LINGO2: variants seen among roughly 807,000 people sequenced by gnomAD.
LINGO2 encodes the protein leucine-rich repeat and immunoglobulin-like domain-containing nogo receptor-interacting protein 2.
LINGO2 carries 14 observed loss-of-function variants against 30.6 expected under a neutral mutation model. The observed-to-expected ratio is 0.46, with a 90% confidence interval of 0.30 to 0.72. LINGO2 has a LOEUF of 0.72. LINGO2 is among the 30% of genes least tolerant of loss of function. The pLI is 0.07. For missense variants in LINGO2, 729 were observed against 751.7 expected, an observed-to-expected ratio of 0.97 and a Z score of 0.35; for synonymous variants, 317 against 288.5, an observed-to-expected ratio of 1.10 and a Z score of -1.00.
At chr9:28,911,399 T>A in the LINGO2 span, among the ~76,000 whole-genome samples, 1 of 151,994 alleles carries the variant, frequency 6.6e-6, no homozygotes, top group African/African-American at 2.4e-5. Context: ...TTTAGACATT[T>A]CCACTACAGG....
intron 1 of LINGO2, among the ~76,000 whole-genome samples, chr9:28,560,041 T>G (rs1020317751): frequency 1.3e-5 from 2 of 151,566 alleles, no homozygotes; most frequent in Admixed American, 1.3e-4. Context: ...TTTGGTCTTC[T>G]TCTCTGTATC....
intron 2 of LINGO2, among the ~76,000 whole-genome samples, chr9:28,457,486 T>A (rs180906517): frequency 1.3e-3 from 191 of 152,078 alleles, no homozygotes; most frequent in Non-Finnish European, 2.2e-3. Flanking sequence ...CAATCATCGC[T>A]CACTGCAGCC....
At chr9:29,189,415 CG>C in the LINGO2 span, among the ~76,000 whole-genome samples, 1 of 144,954 alleles carries the variant, frequency 6.9e-6, no homozygotes, top group Non-Finnish European at 1.5e-5. Context: ...ACTTCTCAGA[CG>C]GGGCGGCCGG....
chr9:28,949,985 C>T, the LINGO2 span, among the ~76,000 whole-genome samples: 189 of 151,330 alleles, frequency 1.2e-3, 1 homozygote, highest in South Asian at 5.4e-3. Context: ...AGTCAATAAG[C>T]GTAATCCATC....
intron 4 of LINGO2, among the ~76,000 whole-genome samples, chr9:28,049,337 C>T (rs745520618): frequency 3.3e-5 from 5 of 150,740 alleles, no homozygotes; most frequent in African/African-American, 7.4e-5. Context: ...CAACATAGTA[C>T]GTACAGTACT....
chr9:28,055,817 T>TAA (rs775677601), intron 4 of LINGO2, among the ~76,000 whole-genome samples: 4 of 152,138 alleles, frequency 2.6e-5, no homozygotes, highest in Admixed American at 2.0e-4. Context: ...TAGTTTTATC[T>TAA]AAAAAAGTCT....
At chr9:28,648,098 C>T (rs1366263145) in intron 1 of LINGO2, among the ~76,000 whole-genome samples, 1 of 151,860 alleles carries the variant, frequency 6.6e-6, no homozygotes, top group East Asian at 1.9e-4. Context: ...CATAATGATC[C>T]CTGCAAAATT....
At chr9:28,257,728 A>C (rs568612735) in intron 4 of LINGO2, among the ~76,000 whole-genome samples, 1 of 152,052 alleles carries the variant, frequency 6.6e-6, no homozygotes, top group African/African-American at 2.4e-5. Flanking sequence ...ATTTCTGCCC[A>C]GTAGAAGAAC....
chr9:28,006,128 A>C (rs1822255147), intron 5 of LINGO2, among the ~76,000 whole-genome samples: 1 of 152,156 alleles, frequency 6.6e-6, no homozygotes, highest in African/African-American at 2.4e-5. Context: ...CTACCCATGC[A>C]AAGCTCCTTC....
At chr9:29,017,376 AATCAAAGCAAAAAGAGAAAAACAATTT>A in the LINGO2 span, among the ~76,000 whole-genome samples, 1 of 152,192 alleles carries the variant, frequency 6.6e-6, no homozygotes, top group Admixed American at 6.6e-5. Context: ...AGCTTTTTGA[AATCAAAGCAAAAAGAGAAAAACAATTT>A]TCAATGCTTT....
intron 2 of LINGO2, among the ~76,000 whole-genome samples, chr9:28,438,481 ACTGGTTCTC>A (rs1320942099): frequency 6.6e-6 from 1 of 152,130 alleles, no homozygotes; most frequent in Non-Finnish European, 1.5e-5. Context: ...AAGTGGTCCC[ACTGGTTCTC>A]CTGTCTTCAG....
chr9:28,419,637 C>CT lies in LINGO2; in HGVS notation c.-278-46770dup, dbSNP rs1257227929. Among the ~76,000 whole-genome samples, 10 of 151,802 alleles carry CT rather than the reference C, an allele frequency of 6.6e-5. No homozygotes were observed. The East Asian group carries it at 1.9e-3, about 29-fold the overall frequency. On this transcript the variant is annotated intron_variant, in intron 2 of 5. Transcript: ENST00000379992. Reference sequence around the variant, plus strand: ...AAAAAGAAAAGAAAATATCACTTCTCTATTTTACAGTTCTGAAATAAAACA... The same window carrying CT: ...AAAAAGAAAAGAAAATATCACTTCTCTTATTTTACAGTTCTGAAATAAAACA...
intron 4 of LINGO2, among the ~76,000 whole-genome samples, chr9:28,106,928 T>A (rs1321207939): frequency 6.6e-6 from 1 of 152,204 alleles, no homozygotes; most frequent in East Asian, 1.9e-4. Context: ...CTCATGCTCA[T>A]GTGATTACTT....
At chr9:28,980,220 T>C in the LINGO2 span, among the ~76,000 whole-genome samples, 1 of 152,110 alleles carries the variant, frequency 6.6e-6, no homozygotes, top group African/African-American at 2.4e-5. Context: ...CTCTCCAGCT[T>C]CATAATGACC....
intron 4 of LINGO2, among the ~76,000 whole-genome samples, chr9:28,179,208 T>C (rs1175125877): frequency 7.3e-6 from 1 of 137,506 alleles, no homozygotes; most frequent in Non-Finnish European, 1.6e-5. Context: ...AGAGCTGATC[T>C]AATGTGTGTG....
chr9:28,051,922 TAAA>T (rs1369545199), intron 4 of LINGO2, among the ~76,000 whole-genome samples: 1 of 151,950 alleles, frequency 6.6e-6, no homozygotes, highest in African/African-American at 2.4e-5. Context: ...TACCTAACAA[TAAA>T]AAACACAGAA....
chr9:29,076,788 C>G, the LINGO2 span, among the ~76,000 whole-genome samples: 1 of 151,936 alleles, frequency 6.6e-6, no homozygotes, highest in Non-Finnish European at 1.5e-5. Context: ...AGCCACTTAA[C>G]TTTTCTATGC....
chr9:28,873,754 G>T, the LINGO2 span, among the ~76,000 whole-genome samples: 22 of 152,170 alleles, frequency 1.4e-4, no homozygotes, highest in African/African-American at 5.1e-4. Flanking sequence ...TCTACAAAAA[G>T]TAGCTGTTTT....
At chr9:28,360,974 C>G (rs1218458164) in intron 3 of LINGO2, among the ~76,000 whole-genome samples, 2 of 152,278 alleles carry the variant, frequency 1.3e-5, no homozygotes, top group East Asian at 3.9e-4. Flanking sequence ...GTTTCAGTTA[C>G]CCATGGTCAA....
Sources: allele counts gnomAD v4.1 joint callset (sites outside exome capture counted in the v4.1 genomes callset), GRCh38; gene constraint gnomAD v4.1.1; transcripts MANE v1.5; gene names NCBI Gene and HGNC (gene_info 2026-07-23, HGNC 2026-07-21).